The following EYS variants were observed in gnomAD, a reference collection of about 807,000 sequenced individuals.
EYS encodes the protein EGF-like photoreceptor maintenance factor, also known as protein eyes shut homolog.
In EYS, 250 loss-of-function variants were observed where a neutral mutation model predicts 282.1. The ratio of observed to expected loss-of-function variants is 0.89; its 90% confidence interval spans 0.80 to 0.98. EYS has a LOEUF of 0.98. Ranked by LOEUF, EYS falls within the 50% of genes least tolerant of loss-of-function variation. The pLI is 0.00. For missense variants in EYS, 4,016 were observed against 3,709.0 expected (o/e 1.08, Z -2.15); for synonymous variants, 1,355 against 1,282.9 (o/e 1.06, Z -1.20).
At chr6:64,942,757 C>T (rs1769132307) in intron 15 of EYS, among the ~76,000 whole-genome samples, 1 of 146,754 alleles carries the variant, frequency 6.8e-6, no homozygotes, top group African/African-American at 2.6e-5. Context: ...AGCCCCAGAC[C>T]AGATGGATTC....
intron 5 of EYS, among the ~76,000 whole-genome samples, chr6:65,456,946 A>T (rs1381465564): frequency 6.6e-6 from 1 of 152,166 alleles, no homozygotes. Context: ...TGAAGACGTT[A>T]GTGCTACTTA....
At chr6:64,966,896 T>C (rs1770112410) in intron 14 of EYS, among the ~76,000 whole-genome samples, 1 of 152,162 alleles carries the variant, frequency 6.6e-6, no homozygotes, top group African/African-American at 2.4e-5. Flanking sequence ...CCTCATCTCT[T>C]TAGTGGCCAT....
intron 13 of EYS, among the ~76,000 whole-genome samples, chr6:65,056,818 T>C (rs1412551081): frequency 6.6e-6 from 1 of 152,102 alleles, no homozygotes; most frequent in Admixed American, 6.6e-5. Context: ...TTAAATAACA[T>C]TTCTCATTTA....
rs904271971 is a variant in EYS at position 63,755,344 on chromosome 6, A to C, written c.8071+7117T>G. 2.6e-5 allele frequency among the ~76,000 whole-genome samples: 4 copies of C among 152,338 alleles called. No individual in the cohort carries two copies. The South Asian group carries it at 6.2e-4, about 24-fold the overall frequency. On this transcript the variant is annotated intron_variant, in intron 41 of 42. Transcript: ENST00000503581. ...AAGGGATCCAGTTTCAGCTTTCTACATGTGGCTAGCCAGTTTTCCCAGAAC... is the reference window on the plus strand; with the variant it reads ...AAGGGATCCAGTTTCAGCTTTCTACCTGTGGCTAGCCAGTTTTCCCAGAAC...
chr6:63,926,190 A>T (rs936681733), intron 35 of EYS, among the ~76,000 whole-genome samples: 1 of 152,336 alleles, frequency 6.6e-6, no homozygotes, highest in Non-Finnish European at 1.5e-5. Flanking sequence ...GTTTAGTTCA[A>T]TTCTGTGGAA....
intron 7 of EYS, among the ~76,000 whole-genome samples, chr6:65,396,347 T>C (rs1766279413): frequency 1.3e-5 from 2 of 152,084 alleles, no homozygotes; most frequent in Non-Finnish European, 2.9e-5. Context: ...CACGGCCTCA[T>C]TTCTCTTTCT....
At chr6:63,977,004 T>G (rs927906416) in intron 35 of EYS, among the ~76,000 whole-genome samples, 1 of 151,892 alleles carries the variant, frequency 6.6e-6, no homozygotes, top group Non-Finnish European at 1.5e-5. Context: ...TTAATTGTAC[T>G]ACAGTTTTTG....
At position 63,721,726 on chromosome 6, in the gene EYS, T is replaced by G. The variant is rs1244975432; in HGVS notation, c.8305A>C (p.Ile2769Leu). 1 of 1,550,976 alleles carries G rather than the reference T, an allele frequency of 6.4e-7. No homozygotes were observed. The highest frequency in any genetic ancestry group is 2.0e-5 in the Admixed American group (1 of 50,968). The change falls in exon 43 of 43, where the codon ATT becomes CTT. Residue 2769 changes from isoleucine (I) to leucine (L), a missense_variant. Ile to Leu is a conservative substitution (Grantham distance 5, BLOSUM62 2). Transcript: ENST00000503581. Reference sequence around the variant, plus strand: ...GTTACTTTTTGGAGAGTTTCTAGAATGATAGTTCTGTCGCCAAGGTTGTAG... The same window carrying G: ...GTTACTTTTTGGAGAGTTTCTAGAAGGATAGTTCTGTCGCCAAGGTTGTAG... ...LRYNLGDRTI[I>L]LETLQKVTIN... is the part of the protein sequence containing the mutation.
rs75927961 is a variant in EYS at position 64,253,111 on chromosome 6, T to C, written c.6192-22287A>G. On this transcript the variant is annotated intron_variant, in intron 30 of 42. Transcript: ENST00000503581. The stretch of plus-strand genomic sequence containing the variant: ...AGTACTAAAACCCATAGGATACACA[T>C]GGTTTAGCTTCTGGAAATATCAATA... Among the ~76,000 whole-genome samples, 625 of 152,218 alleles carry C rather than the reference T, an allele frequency of 4.1e-3. 7 individuals are homozygous for C. The highest frequency in any genetic ancestry group is 0.014 in the African/African-American group (597 of 41,560).
At chr6:63,938,948 G>A (rs1765152699) in intron 35 of EYS, among the ~76,000 whole-genome samples, 1 of 152,104 alleles carries the variant, frequency 6.6e-6, no homozygotes, top group South Asian at 2.1e-4. Context: ...CATTGACACT[G>A]GAAGCTCACA....
chr6:64,853,588 G>C (rs999969155), intron 19 of EYS, among the ~76,000 whole-genome samples: 1 of 152,142 alleles, frequency 6.6e-6, no homozygotes, highest in Non-Finnish European at 1.5e-5. Context: ...AAAATGCTAA[G>C]GGTTCAAACT....
At chr6:64,330,243 T>C (rs1245586302) in intron 29 of EYS, among the ~76,000 whole-genome samples, 1 of 152,150 alleles carries the variant, frequency 6.6e-6, no homozygotes, top group Non-Finnish European at 1.5e-5. Flanking sequence ...GGCTTTAACA[T>C]CTCTCAAGGG....
chr6:64,912,676 G>A lies in EYS; in HGVS notation c.2449C>T (p.Pro817Ser), dbSNP rs1449848421. 3 of 1,533,698 alleles carry A rather than the reference G, an allele frequency of 2.0e-6. No homozygotes were observed. The highest frequency in any genetic ancestry group is 1.2e-5 in the South Asian group (1 of 82,414). The part of the protein sequence containing the change: ...SEEINECDSD[P>S]CMNGGLCHES... ...TGACAAAGACCTCCATTCATGCATG[G>A]ATCAGAGTCGCATTCATTTATTTCT... The change falls in exon 16 of 43, where the codon CCA (proline) becomes TCA (serine). Residue 817 changes from proline to serine, a missense_variant. Pro to Ser is a moderately conservative substitution (Grantham distance 74, BLOSUM62 -1). Coordinates refer to ENST00000503581, the MANE Select transcript of EYS (RefSeq NM_001142800.2).
At chr6:64,285,716 G>C (rs921416760) in intron 30 of EYS, among the ~76,000 whole-genome samples, 7 of 152,176 alleles carry the variant, frequency 4.6e-5, no homozygotes, top group African/African-American at 1.7e-4. Context: ...GGCTGGGGAG[G>C]CTTCACAATC....
intron 18 of EYS, among the ~76,000 whole-genome samples, chr6:64,900,465 T>C (rs181468763): frequency 1.3e-5 from 2 of 151,998 alleles, no homozygotes; most frequent in African/African-American, 4.8e-5. Flanking sequence ...TGGGAGAAAA[T>C]TTTGCAATAT....
At chr6:63,988,033 A>C (rs139349057) in intron 34 of EYS, among the ~76,000 whole-genome samples, 3 of 151,576 alleles carry the variant, frequency 2.0e-5, no homozygotes, top group African/African-American at 7.2e-5. Context: ...ATTTCTTCTT[A>C]TTTAGGTCCC....
At chr6:63,924,011 C>CTT (rs952129450) in intron 35 of EYS, among the ~76,000 whole-genome samples, 1 of 148,528 alleles carries the variant, frequency 6.7e-6, no homozygotes, top group Non-Finnish European at 1.5e-5. Flanking sequence ...TCATAGATCT[C>CTT]TTTTTTTTTT....
intron 28 of EYS, among the ~76,000 whole-genome samples, chr6:64,391,722 G>C (rs1282777063): frequency 6.6e-6 from 1 of 151,786 alleles, no homozygotes; most frequent in Admixed American, 6.6e-5. Context: ...ATCAACTAAC[G>C]AGCAAAATAA....
chr6:65,525,660 T>A (rs1410686761), intron 2 of EYS, among the ~76,000 whole-genome samples: 2 of 152,228 alleles, frequency 1.3e-5, no homozygotes, highest in Non-Finnish European at 2.9e-5. Context: ...AAATAACTAA[T>A]CACTGACTCT....
Sources: allele counts gnomAD v4.1 joint callset (sites outside exome capture counted in the v4.1 genomes callset), GRCh38; gene constraint gnomAD v4.1.1; transcripts MANE v1.5; gene names NCBI Gene and HGNC (gene_info 2026-07-23, HGNC 2026-07-21).